The following CCDC7 variants were observed in gnomAD, a reference collection of about 807,000 sequenced individuals.
CCDC7 encodes coiled-coil domain-containing protein 7.
Under a neutral mutation model 196.9 loss-of-function variants are expected in CCDC7, and 183 were observed. That is an observed-to-expected ratio of 0.93 (90% confidence interval 0.82 to 1.05). CCDC7 has a LOEUF of 1.05. Among genes scored for constraint, CCDC7 ranks in the 50% least tolerant of loss-of-function variants. The pLI, the probability that CCDC7 is intolerant of heterozygous loss-of-function variation, is 0.00. For synonymous variants in CCDC7, 525 were observed against 484.6 expected, an observed-to-expected ratio of 1.08 and a Z score of -1.10; for missense variants, 1,540 against 1,482.2, an observed-to-expected ratio of 1.04 and a Z score of -0.64.
At chr10:32,622,299 A>G (rs550768516) in intron 18 of CCDC7, among the ~76,000 whole-genome samples, 25 of 152,038 alleles carry the variant, frequency 1.6e-4, no homozygotes, top group African/African-American at 5.8e-4. Flanking sequence ...TTTTTTTCTC[A>G]AATAGGTAAA....
At chr10:32,637,208 T>G (rs991059734) in intron 20 of CCDC7, among the ~76,000 whole-genome samples, 7 of 152,226 alleles carry the variant, frequency 4.6e-5, no homozygotes, top group Non-Finnish European at 7.3e-5. Flanking sequence ...TAGTTTCTTT[T>G]GCTGTGCAGA....
In CCDC7 at chr10:32,517,346, AAAAG is replaced by A. The variant is rs567541409; in HGVS notation, c.873-595_873-592del. Among the ~76,000 whole-genome samples the A allele has an allele frequency of 2.7e-4, 41 of 152,274 alleles. No individual in the cohort carries two copies. The East Asian group carries it at 7.9e-3, about 29-fold the overall frequency. On this transcript the variant is annotated intron_variant, in intron 9 of 41. Coordinates refer to ENST00000639629, the Ensembl canonical transcript of CCDC7. ...ATATACAGTGATGTCATTTATGTGA[AAAAG>A]AAAACTGAAATCCAACCCACTAATA...
At chr10:32,518,031 T>C in intron 10 of CCDC7, 56 bp downstream of exon 11, 1 of 1,516,722 alleles carries the variant, frequency 6.6e-7, no homozygotes, top group Non-Finnish European at 8.8e-7. Context: ...TCTTAACAGA[T>C]TCTAGAAATT....
At chr10:32,581,404 T>A (rs2058716832) in intron 16 of CCDC7, among the ~76,000 whole-genome samples, 1 of 152,072 alleles carries the variant, frequency 6.6e-6, no homozygotes, top group Admixed American at 6.6e-5. Flanking sequence ...TCATTGCTGT[T>A]CTCCTCCTCC....
intron 24 of CCDC7, among the ~76,000 whole-genome samples, chr10:32,697,913 A>G (rs796421527): frequency 1.3e-5 from 2 of 152,202 alleles, no homozygotes; most frequent in African/African-American, 4.8e-5. Flanking sequence ...ACTGGGAGAC[A>G]TCTCCCAGTA....
At chr10:32,734,157 A>C (rs533573978) in intron 28 of CCDC7, among the ~76,000 whole-genome samples, 16 of 152,330 alleles carry the variant, frequency 1.1e-4, no homozygotes, top group Admixed American at 2.6e-4. Flanking sequence ...TATTCACAAC[A>C]GCAAAGATAC....
In CCDC7 at chr10:32,583,047, C is replaced by T. The variant is rs184004957; in HGVS notation, c.1468C>T (p.Arg490Ter). ...ATAATTCTAAAGCTCAGAGAAGAAA[C>T]GATCTAGCCCTGCTATTTCAGATCT... The change falls in exon 17 of 42, where the codon CGA becomes TGA. Residue 490 changes from arginine (R) to a stop codon, truncating the protein, a stop_gained. Transcript: ENST00000639629. LOFTEE classifies it high-confidence loss of function. 39 of 1,231,242 alleles carry T rather than the reference C, an allele frequency of 3.2e-5. No individual in the cohort carries two copies. The highest frequency in any genetic ancestry group is 3.0e-4 in the Admixed American group (7 of 23,702). 76.3% of individuals were successfully genotyped at this position (1,231,242 alleles called of 1,614,324 possible). A position where few individuals can be genotyped will look rare whatever the true frequency, so the allele number is the denominator to read the frequency against.
At chr10:32,773,803 T>A (rs1438244460) in intron 28 of CCDC7, among the ~76,000 whole-genome samples, 1 of 152,290 alleles carries the variant, frequency 6.6e-6, no homozygotes, top group East Asian at 1.9e-4. Context: ...TTTGATAGTG[T>A]TAGGTCTTTA....
intron 8 of CCDC7, among the ~76,000 whole-genome samples, chr10:32,481,157 C>T (rs569284952): frequency 3.5e-4 from 54 of 152,278 alleles, no homozygotes; most frequent in African/African-American, 1.1e-3. Context: ...GCCACAGCTG[C>T]TCATTTATTG....
At position 32,778,988 on chromosome 10, in the gene CCDC7, G is replaced by A; in HGVS notation, c.2917G>A (p.Ala973Thr). Residue 973 changes from alanine (A) to threonine (T), a missense_variant, in exon 29 of 42, where the codon GCA (alanine) becomes ACA (threonine). Physicochemically the swap from Ala to Thr is moderately conservative, Grantham distance 58. Coordinates refer to ENST00000639629, the Ensembl canonical transcript of CCDC7. ...TGTTATTCTTACAGTTAAAAATGAAGCAGCCTCAGAACTTCCAGATACAGC... is the reference window on the plus strand; with the variant it reads ...TGTTATTCTTACAGTTAAAAATGAAACAGCCTCAGAACTTCCAGATACAGC... The A allele has an allele frequency of 1.9e-6, 3 of 1,548,916 alleles. No homozygotes were observed. The South Asian group carries it at 3.6e-5, about 18-fold the overall frequency.
At chr10:32,628,919 T>G (rs1420074536) in intron 18 of CCDC7, among the ~76,000 whole-genome samples, 1 of 152,142 alleles carries the variant, frequency 6.6e-6, no homozygotes, top group Admixed American at 6.6e-5. Flanking sequence ...GTGCCTTATG[T>G]GTGATCTTTT....
At chr10:32,694,183 C>G (rs148192620) in intron 23 of CCDC7, among the ~76,000 whole-genome samples, 17 of 152,308 alleles carry the variant, frequency 1.1e-4, no homozygotes, top group Middle Eastern at 6.8e-3. Context: ...CTCACCACCA[C>G]TATGACAACC....
At chr10:32,461,582 T>C (rs1376763027) in intron 3 of CCDC7, among the ~76,000 whole-genome samples, 3 of 151,410 alleles carry the variant, frequency 2.0e-5, no homozygotes, top group African/African-American at 7.3e-5. Context: ...CAGAGTTGTA[T>C]TGAGAAGATA....
chr10:32,639,828 A>G (rs995537916), intron 20 of CCDC7, among the ~76,000 whole-genome samples: 13 of 151,844 alleles, frequency 8.6e-5, no homozygotes, highest in African/African-American at 2.9e-4. Flanking sequence ...ATGGGGTTTC[A>G]CCATGGTCTC....
At chr10:32,588,840 C>G (rs114349728) in intron 18 of CCDC7, among the ~76,000 whole-genome samples, 2,324 of 151,874 alleles carry the variant, frequency 0.015, 67 homozygotes, top group African/African-American at 0.053. Flanking sequence ...TAGGTCTGTT[C>G]AGATTTTCTT....
At chr10:32,865,263 G>C (rs1248183924) in intron 41 of CCDC7, among the ~76,000 whole-genome samples, 3 of 151,658 alleles carry the variant, frequency 2.0e-5, no homozygotes, top group African/African-American at 7.3e-5. Context: ...CTCAAAAATT[G>C]AGTATATTTT....
In CCDC7 at chr10:32,451,923, T is replaced by C. The variant is rs1588669558; in HGVS notation, c.279+2T>C. On this transcript the variant is annotated splice_donor_variant, in intron 1 of 41. Coordinates refer to ENST00000639629, the Ensembl canonical transcript of CCDC7. LOFTEE classifies it high-confidence loss of function. ...AAAATTATCAAACATCTGAAGATGG[T>C]AAGAGGCTTGTTAGTTTCTGTGTTG... The C allele has an allele frequency of 8.1e-6, 13 of 1,608,440 alleles. No individual in the cohort carries two copies. The East Asian group carries it at 1.6e-4, about 19-fold the overall frequency.
rs937585113 is a variant in CCDC7, at chr10:32,567,583, G to A, written c.1198-87G>A. 4.3e-5 allele frequency: 60 copies of A among 1,411,378 alleles called. 1 individual carries two copies. The highest frequency in any genetic ancestry group is 2.2e-4 in the South Asian group (15 of 67,390). The allele number at this position is 1,411,378 out of a possible 1,614,324, so 87.4% of individuals were successfully genotyped here. On this transcript the variant is annotated intron_variant, in intron 14 of 41. Transcript: ENST00000639629. ...AAATGAGTTGAGAAATCATGTAGGC[G>A]TAAATATATGTAGATTCCTGAATGT...
intron 9 of CCDC7, among the ~76,000 whole-genome samples, chr10:32,496,962 A>T (rs2043004296): frequency 6.6e-6 from 1 of 152,206 alleles, no homozygotes; most frequent in Non-Finnish European, 1.5e-5. Context: ...TTTCAGAAGG[A>T]ATGGTACCAG....
Sources: gnomAD v4.1 joint callset for allele counts (sites outside exome capture counted in the v4.1 genomes callset) on GRCh38, gnomAD v4.1.1 for gene constraint, MANE v1.5 for transcripts, NCBI Gene and HGNC (gene_info 2026-07-23, HGNC 2026-07-21) for gene names.